Variants in HHLA2 observed in about 807,000 individuals in gnomAD.
HHLA2 encodes the protein HERV-H LTR-associating protein 2.
In HHLA2, 48 loss-of-function variants were observed where a neutral mutation model predicts 45.9. That is an observed-to-expected ratio of 1.05 (90% CI 0.83 to 1.33). The LOEUF is 1.33. Among genes scored for constraint, HHLA2 ranks in the 40% most tolerant of loss-of-function variants. The pLI is 0.00. For synonymous variants in HHLA2, 161 were observed against 173.9 expected, an observed-to-expected ratio of 0.93 and a Z score of 0.59; for missense variants, 462 against 494.3, an observed-to-expected ratio of 0.93 and a Z score of 0.62.
chr3:108,346,432 G>A lies in HHLA2; in HGVS notation c.-26-5356G>A, dbSNP rs187808490. On this transcript the variant is annotated intron_variant, in intron 3 of 10. Transcript: ENST00000619531. ...TAAGACGTCTTTTACAAACTAGCTC[G>A]GTGTCATGAGCACTGTGGTGAGGCA... is the stretch of plus-strand genomic sequence containing the variant. Among the ~76,000 whole-genome samples the A allele has an allele frequency of 1.7e-3, 265 of 152,224 alleles. 2 individuals are homozygous for A. Among genetic ancestry groups the A allele is most frequent in the African/African-American group, 6.0e-3 (251 of 41,542 alleles).
chr3:108,297,442 G>C (rs1450695403), intron 1 of HHLA2, among the ~76,000 whole-genome samples: 2 of 152,094 alleles, frequency 1.3e-5, no homozygotes, highest in Non-Finnish European at 2.9e-5. Flanking sequence ...AGTAATCCTT[G>C]GTGCATTTAC....
chr3:108,367,763 A>T (rs998702163), intron 8 of HHLA2, among the ~76,000 whole-genome samples: 1 of 152,112 alleles, frequency 6.6e-6, no homozygotes, highest in Non-Finnish European at 1.5e-5. Context: ...GGAGAATGGA[A>T]CCCAGTTGGA....
intron 3 of HHLA2, among the ~76,000 whole-genome samples, chr3:108,337,864 T>C (rs2081500903): frequency 6.6e-6 from 1 of 152,174 alleles, no homozygotes; most frequent in Non-Finnish European, 1.5e-5. Flanking sequence ...TTCTTGCTTA[T>C]GTCCTAAACC....
intron 2 of HHLA2, among the ~76,000 whole-genome samples, chr3:108,315,102 T>G (rs2081081059): frequency 6.6e-6 from 1 of 152,186 alleles, no homozygotes; most frequent in Non-Finnish European, 1.5e-5. Flanking sequence ...ACGTTAAGCA[T>G]TTTATCAGAG....
chr3:108,344,735 G>A (rs190476720), intron 3 of HHLA2, among the ~76,000 whole-genome samples: 3 of 152,186 alleles, frequency 2.0e-5, no homozygotes, highest in South Asian at 2.1e-4. Flanking sequence ...TGATGTATTC[G>A]ACAAAATGCC....
At chr3:108,342,238 G>T (rs1040559202) in intron 3 of HHLA2, among the ~76,000 whole-genome samples, 3 of 148,610 alleles carry the variant, frequency 2.0e-5, no homozygotes, top group South Asian at 4.3e-4. Flanking sequence ...TTATCGGCTG[G>T]CTCCTTTTTC....
chr3:108,368,412 G>A (rs2082103493), intron 8 of HHLA2, among the ~76,000 whole-genome samples: 1 of 151,426 alleles, frequency 6.6e-6, no homozygotes. Flanking sequence ...ACACAGACTG[G>A]CAAATTGGAT....
chr3:108,316,754 G>A (rs62266186), intron 2 of HHLA2, among the ~76,000 whole-genome samples: 10,247 of 152,202 alleles, frequency 0.067, 479 homozygotes, highest in Non-Finnish European at 0.092. Context: ...AAATTACTAT[G>A]CTTACTAAAT....
At chr3:108,308,305 C>A in intron 1 of HHLA2, among the ~76,000 whole-genome samples, 1 of 152,192 alleles carries the variant, frequency 6.6e-6, no homozygotes, top group East Asian at 1.9e-4. Flanking sequence ...ACATAATAAT[C>A]TCCAGCTCCA....
intron 2 of HHLA2, among the ~76,000 whole-genome samples, chr3:108,321,500 T>G (rs2081201752): frequency 6.6e-6 from 1 of 152,182 alleles, no homozygotes; most frequent in Non-Finnish European, 1.5e-5. Context: ...TTCTTTTTGC[T>G]GGCAAGTCAT....
At chr3:108,318,610 T>C (rs901321400) in intron 2 of HHLA2, among the ~76,000 whole-genome samples, 1 of 152,216 alleles carries the variant, frequency 6.6e-6, no homozygotes, top group South Asian at 2.1e-4. Context: ...CTTCGTATTA[T>C]ACTAATTCAT....
chr3:108,305,865 T>C (rs1240543531), intron 1 of HHLA2, among the ~76,000 whole-genome samples: 1 of 152,204 alleles, frequency 6.6e-6, no homozygotes, highest in Non-Finnish European at 1.5e-5. Flanking sequence ...AAAACCCAAC[T>C]TGGTCACTGT....
In HHLA2 at chr3:108,362,458, A is replaced by G; in HGVS notation, c.1108+12A>G. The stretch of plus-strand genomic sequence containing the variant: ...AAAATGTTGCAGAGGTAATAGAAGA[A>G]TTTGGGCTCTGCCCCACGTGTTCCA... On this transcript the variant is annotated intron_variant, in intron 8 of 10. Coordinates refer to ENST00000619531, the Ensembl canonical transcript of HHLA2. 6.4e-7 allele frequency: 1 copy of G among 1,569,626 alleles called. No individual in the cohort carries two copies. The highest frequency in any genetic ancestry group is 8.7e-7 in the Non-Finnish European group (1 of 1,145,006).
intron 2 of HHLA2, among the ~76,000 whole-genome samples, chr3:108,314,427 C>T (rs2081069871): frequency 6.6e-6 from 1 of 150,584 alleles, no homozygotes; most frequent in Admixed American, 6.6e-5. Context: ...TGAATCTTTT[C>T]TTGAAGTTAT....
At chr3:108,310,096 C>A (rs184057108) in intron 1 of HHLA2, among the ~76,000 whole-genome samples, 1 of 151,830 alleles carries the variant, frequency 6.6e-6, no homozygotes, top group East Asian at 1.9e-4. Flanking sequence ...TTTGACATAC[C>A]CCTACTTTTT....
chr3:108,373,594 A>C (rs2082219414), intron 8 of HHLA2, among the ~76,000 whole-genome samples: 1 of 152,246 alleles, frequency 6.6e-6, no homozygotes, highest in African/African-American at 2.4e-5. Flanking sequence ...GTCTCAGCCC[A>C]AAATCTCCTT....
intron 8 of HHLA2, among the ~76,000 whole-genome samples, chr3:108,367,135 TAACA>T (rs1014412335): frequency 3.9e-5 from 6 of 152,012 alleles, no homozygotes; most frequent in Admixed American, 2.6e-4. Context: ...GAAGAAAAAC[TAACA>T]AACAGAAAGC....
chr3:108,312,697 A>C (rs573444332), intron 2 of HHLA2, among the ~76,000 whole-genome samples: 1 of 152,308 alleles, frequency 6.6e-6, no homozygotes, highest in Admixed American at 6.5e-5. Context: ...GACCTCAGCC[A>C]AGCTCATTTT....
At position 108,343,213 on chromosome 3, in the gene HHLA2, C is replaced by G. The variant is rs142560715; in HGVS notation, c.-26-8575C>G. On this transcript the variant is annotated intron_variant, in intron 3 of 10. Transcript: ENST00000619531. ...CTTGTTTCTCAGAACTTGAACCTTT[C>G]CTGGCTCTAACTTACGTATGGATTA... 8.5e-5 allele frequency among the ~76,000 whole-genome samples: 13 copies of G among 152,256 alleles called. No homozygotes were observed. The East Asian group carries it at 2.5e-3, about 29-fold the overall frequency.
Sources: gnomAD v4.1 joint callset for allele counts (sites outside exome capture counted in the v4.1 genomes callset) on GRCh38, gnomAD v4.1.1 for gene constraint, MANE v1.5 for transcripts, NCBI Gene and HGNC (gene_info 2026-07-23, HGNC 2026-07-21) for gene names.